Variants in GLB1 observed in about 807,000 individuals in gnomAD.
GLB1 encodes the protein galactosidase beta 1.
Under a neutral mutation model 74.0 loss-of-function variants are expected in GLB1, and 56 were observed. That is an observed-to-expected ratio of 0.76 (90% CI 0.61 to 0.94). The LOEUF (loss-of-function observed/expected upper bound fraction) is 0.94, where lower values mean the gene tolerates loss of function less well. Among genes scored for constraint, GLB1 ranks in the 40% least tolerant of loss-of-function variants. GLB1 has a pLI of 0.00. For missense variants in GLB1, 787 were observed against 845.5 expected, an observed-to-expected ratio of 0.93 and a Z score of 0.86; for synonymous variants, 323 against 323.6, an observed-to-expected ratio of 1.00 and a Z score of 0.02.
rs540368290 is a variant in GLB1 at position 33,088,789 on chromosome 3, T to C, written c.75+8222A>G. ...CTTGCAGAAATAGAAAAATTTATCCTAAAATTCATATGGAATCTCAACAGA... is the reference window on the plus strand; with the variant it reads ...CTTGCAGAAATAGAAAAATTTATCCCAAAATTCATATGGAATCTCAACAGA... On this transcript the variant is annotated intron_variant, in intron 1 of 15. Coordinates refer to ENST00000307363, the MANE Select transcript of GLB1 (RefSeq NM_000404.4). Among the ~76,000 whole-genome samples, 3 of 152,296 alleles carry C rather than the reference T, an allele frequency of 2.0e-5. No homozygotes were observed. The South Asian group carries it at 6.2e-4, about 32-fold the overall frequency.
At chr3:33,048,672 G>C (rs1698844796) in intron 9 of GLB1, among the ~76,000 whole-genome samples, 1 of 152,124 alleles carries the variant, frequency 6.6e-6, no homozygotes, top group South Asian at 2.1e-4. Flanking sequence ...TCCTCAAAGA[G>C]ACAGGGCAAA....
chr3:33,066,374 T>C (rs1023627694), intron 4 of GLB1, among the ~76,000 whole-genome samples: 3 of 152,122 alleles, frequency 2.0e-5, no homozygotes, highest in African/African-American at 7.2e-5. Context: ...GGTGGCTTTA[T>C]AAGAAGAGGG....
At chr3:33,044,586 C>T (rs1392879971) in intron 10 of GLB1, among the ~76,000 whole-genome samples, 1 of 150,968 alleles carries the variant, frequency 6.6e-6, no homozygotes, top group Non-Finnish European at 1.5e-5. Context: ...AGATTAAACC[C>T]ATAATAAAGG....
chr3:32,963,004 G>A, the GLB1 span, among the ~76,000 whole-genome samples: 1 of 152,172 alleles, frequency 6.6e-6, no homozygotes, highest in East Asian at 1.9e-4. Context: ...TGAAAAAGAA[G>A]AGCAATGAGG....
At chr3:33,047,635 T>C (rs1006130909) in intron 9 of GLB1, among the ~76,000 whole-genome samples, 6 of 152,226 alleles carry the variant, frequency 3.9e-5, no homozygotes, top group Admixed American at 6.5e-5. Context: ...CAAAACATGA[T>C]AGTTTACCTA....
At chr3:33,083,135 C>T (rs191259992) in intron 1 of GLB1, among the ~76,000 whole-genome samples, 8 of 152,210 alleles carry the variant, frequency 5.3e-5, no homozygotes, top group African/African-American at 1.9e-4. Context: ...CAGTGGCTCA[C>T]GCCTGTAATC....
intron 15 of GLB1, among the ~76,000 whole-genome samples, chr3:33,005,595 C>G (rs754702962): frequency 6.6e-6 from 1 of 151,770 alleles, no homozygotes; most frequent in Non-Finnish European, 1.5e-5. Context: ...TTGCTGGGCT[C>G]AAGCAATCCT....
At position 33,080,096 on chromosome 3, in the gene GLB1, T is replaced by G. The variant is rs1443998247; in HGVS notation, c.76-7383A>C. 2.1e-5 allele frequency among the ~76,000 whole-genome samples: 3 copies of G among 142,214 alleles called. No homozygotes were observed. In the East Asian group the frequency reaches 6.5e-4, roughly 31 times the overall value. The allele number at this position is 142,214 out of a possible 152,430, so 93.3% of individuals were successfully genotyped here. A position where few individuals can be genotyped will look rare whatever the true frequency, so the allele number is the denominator to read the frequency against. ...ACTGTGCCCAGCCTGAAAACTGTTT[T>G]TTTTTGTTTGTTTGTTTGTTTTTTG... is the stretch of plus-strand genomic sequence containing the variant. On this transcript the variant is annotated intron_variant, in intron 1 of 15. Transcript: ENST00000307363.
intron 13 of GLB1, among the ~76,000 whole-genome samples, chr3:33,017,874 AG>A (rs1697298300): frequency 6.6e-6 from 1 of 152,152 alleles, no homozygotes; most frequent in Non-Finnish European, 1.5e-5. Context: ...GGCTTCTGAG[AG>A]GGTGGCGCAT....
intron 1 of GLB1, among the ~76,000 whole-genome samples, chr3:33,073,189 G>A (rs1699949357): frequency 6.6e-6 from 1 of 152,090 alleles, no homozygotes; most frequent in Admixed American, 6.6e-5. Flanking sequence ...TCCAGAGCCT[G>A]ACGCCCCATC....
chr3:33,037,459 T>C (rs983092909), intron 10 of GLB1, among the ~76,000 whole-genome samples: 17 of 152,260 alleles, frequency 1.1e-4, no homozygotes, highest in African/African-American at 3.1e-4. Context: ...CTGAAGTGGA[T>C]TGTGAAATGA....
the GLB1 span, among the ~76,000 whole-genome samples, chr3:32,965,450 G>A: frequency 6.6e-6 from 1 of 152,252 alleles, no homozygotes; most frequent in South Asian, 2.1e-4. Context: ...AGAGATCTAT[G>A]GAACATTGAA....
the GLB1 span, among the ~76,000 whole-genome samples, chr3:32,978,312 A>G: frequency 6.6e-6 from 1 of 152,128 alleles, no homozygotes; most frequent in Non-Finnish European, 1.5e-5. Context: ...GTTAGGAGAC[A>G]TTTTCTTTAA....
chr3:33,052,040 C>G, intron 7 of GLB1, 36 bp from the exon 8 acceptor site: 2 of 1,610,552 alleles, frequency 1.2e-6, no homozygotes, highest in Non-Finnish European at 1.7e-6. Context: ...TTAGGATAGA[C>G]TTATGACCTT....
the GLB1 span, among the ~76,000 whole-genome samples, chr3:32,974,581 A>C: frequency 6.6e-6 from 1 of 152,210 alleles, no homozygotes; most frequent in Admixed American, 6.5e-5. Flanking sequence ...GCAGTTGCCA[A>C]GCTGGAGATC....
intron 15 of GLB1, among the ~76,000 whole-genome samples, chr3:33,006,783 G>C (rs1696806680): frequency 6.6e-6 from 1 of 152,134 alleles, no homozygotes; most frequent in Non-Finnish European, 1.5e-5. Context: ...CTAAATCAAG[G>C]TAGTTTCTTT....
At chr3:33,078,709 A>G (rs533689141) in intron 1 of GLB1, among the ~76,000 whole-genome samples, 42 of 152,354 alleles carry the variant, frequency 2.8e-4, no homozygotes, top group African/African-American at 8.9e-4. Flanking sequence ...TTAGATCATT[A>G]TATGTGATAT....
chr3:32,985,585 C>T, the GLB1 span, among the ~76,000 whole-genome samples: 2 of 152,042 alleles, frequency 1.3e-5, no homozygotes, highest in Non-Finnish European at 2.9e-5. Context: ...AGCTACTATG[C>T]CCGGCCTATG....
chr3:33,085,274 CAA>C (rs772490092), intron 1 of GLB1, among the ~76,000 whole-genome samples: 2 of 74,118 alleles, frequency 2.7e-5, no homozygotes, highest in African/African-American at 5.1e-5. Context: ...GAGTCTGTTT[CAA>C]AAAAAAAAAA....
Sources: gnomAD v4.1 joint callset for allele counts (sites outside exome capture counted in the v4.1 genomes callset) on GRCh38, gnomAD v4.1.1 for gene constraint, MANE v1.5 for transcripts, NCBI Gene and HGNC (gene_info 2026-07-23, HGNC 2026-07-21) for gene names.